Variants in ARSK observed in about 807,000 individuals in gnomAD.
ARSK encodes arylsulfatase K.
A neutral mutation model predicts 53.2 loss-of-function variants in ARSK; 37 were observed. The ratio of observed to expected loss-of-function variants is 0.70; its 90% CI spans 0.54 to 0.92. ARSK has a LOEUF of 0.92. ARSK is among the 40% of genes least tolerant of loss of function. The pLI is 0.00. For synonymous variants in ARSK, 208 were observed against 223.2 expected (o/e 0.93, Z 0.61); for missense variants, 613 against 643.0 (o/e 0.95, Z 0.51).
chr5:95,563,215 T>G (rs1300962385), intron 1 of ARSK, among the ~76,000 whole-genome samples: 1 of 152,258 alleles, frequency 6.6e-6, no homozygotes, highest in Non-Finnish European at 1.5e-5. Flanking sequence ...ATTATTGATA[T>G]TTCTGATATT....
At chr5:95,578,381 CT>C (rs1431699162) in intron 3 of ARSK, among the ~76,000 whole-genome samples, 2 of 148,850 alleles carry the variant, frequency 1.3e-5, no homozygotes, top group African/African-American at 2.5e-5. Context: ...TGGTCTCAAA[CT>C]CCTGGGCTCA....
At chr5:95,584,438 A>G (rs11959924) in intron 4 of ARSK, among the ~76,000 whole-genome samples, 1 of 152,192 alleles carries the variant, frequency 6.6e-6, no homozygotes, top group Non-Finnish European at 1.5e-5. Flanking sequence ...GTATTATTTA[A>G]CAATACTGTG....
chr5:95,589,644 T>C (rs1369597227), intron 5 of ARSK, among the ~76,000 whole-genome samples: 2 of 152,228 alleles, frequency 1.3e-5, no homozygotes, highest in African/African-American at 2.4e-5. Flanking sequence ...TTGCATGGTG[T>C]AGATGTACCA....
intron 1 of ARSK, chr5:95,556,362 G>A: frequency 6.2e-6 from 4 of 641,572 alleles, no homozygotes; most frequent in South Asian, 1.8e-5. Flanking sequence ...GTAATCAAAG[G>A]CAAATGAAGG....
At position 95,566,139 on chromosome 5, in the gene ARSK, C is replaced by T. The variant is rs1410468185; in HGVS notation, c.256+12C>T. On this transcript the variant is annotated intron_variant, in intron 2 of 7. Transcript: ENST00000380009. ...CCCATCACGCGCAGGTATGAACATC[C>T]TTAATATGAATGGGAGAAAGTGGCT... The T allele has an allele frequency of 9.3e-6, 15 of 1,610,140 alleles. No homozygotes were observed. The highest frequency in any genetic ancestry group is 1.3e-5 in the Non-Finnish European group (15 of 1,179,014).
intron 3 of ARSK, among the ~76,000 whole-genome samples, chr5:95,569,532 C>T (rs913343649): frequency 3.3e-5 from 5 of 152,078 alleles, no homozygotes; most frequent in Admixed American, 3.3e-4. Flanking sequence ...AAGACAGAGG[C>T]AGAGATAGTA....
intron 1 of ARSK, among the ~76,000 whole-genome samples, chr5:95,560,802 C>CTTT (rs70978188): frequency 1.8e-5 from 2 of 108,284 alleles, no homozygotes; most frequent in East Asian, 2.7e-4. Context: ...GGCAAAAGAT[C>CTTT]TTTTTTTTTT....
At chr5:95,601,562 G>A (rs1481591354) in intron 7 of ARSK, among the ~76,000 whole-genome samples, 1 of 152,128 alleles carries the variant, frequency 6.6e-6, no homozygotes, top group Admixed American at 6.6e-5. Flanking sequence ...AGATTTCAAC[G>A]AAGCTGTGAC....
At chr5:95,564,263 C>A (rs868853154) in intron 1 of ARSK, among the ~76,000 whole-genome samples, 6 of 152,324 alleles carry the variant, frequency 3.9e-5, no homozygotes, top group African/African-American at 9.6e-5. Flanking sequence ...CAGGCATGAG[C>A]CACTGTGCCT....
chr5:95,567,948 A>G lies in ARSK; in HGVS notation c.315A>G (p.Leu105=), dbSNP rs151202627. ...LTESWNNFKG[L]DPNYTTWMDV... is the part of the protein sequence containing the mutation. Reference sequence around the variant, plus strand: ...AATCTTGGAATAATTTTAAGGGTCTAGATCCAAATTATACAACATGGATGG... The same window carrying G: ...AATCTTGGAATAATTTTAAGGGTCTGGATCCAAATTATACAACATGGATGG... Residue 105 remains leucine, a synonymous_variant, in exon 3 of 8, where the codon CTA becomes CTG. Coordinates refer to ENST00000380009, the MANE Select transcript of ARSK (RefSeq NM_198150.3). 5.5e-5 allele frequency: 88 copies of G among 1,613,534 alleles called. 1 individual carries two copies. The African/African-American group carries it at 1.1e-3, about 19-fold the overall frequency.
At chr5:95,592,563 G>C (rs1271574231) in intron 6 of ARSK, among the ~76,000 whole-genome samples, 1 of 150,832 alleles carries the variant, frequency 6.6e-6, no homozygotes, top group South Asian at 2.1e-4. Flanking sequence ...TTTTTTGTGT[G>C]TGTGTGATGG....
intron 3 of ARSK, among the ~76,000 whole-genome samples, chr5:95,568,897 A>G (rs1157081869): frequency 6.6e-6 from 1 of 152,182 alleles, no homozygotes; most frequent in East Asian, 1.9e-4. Context: ...ACCCCCGCCT[A>G]AAAAACTTGG....
At chr5:95,564,079 G>A (rs1364677841) in intron 1 of ARSK, among the ~76,000 whole-genome samples, 1 of 149,504 alleles carries the variant, frequency 6.7e-6, no homozygotes, top group Non-Finnish European at 1.5e-5. Context: ...CCGGATTCAA[G>A]TGATTCTCTT....
intron 3 of ARSK, among the ~76,000 whole-genome samples, chr5:95,569,596 A>G (rs1748788782): frequency 6.6e-6 from 1 of 152,224 alleles, no homozygotes; most frequent in Non-Finnish European, 1.5e-5. Flanking sequence ...ACCATAAGTT[A>G]GGAAGAGGCA....
chr5:95,585,123 A>G (rs1191550683), intron 4 of ARSK, among the ~76,000 whole-genome samples: 1 of 152,348 alleles, frequency 6.6e-6, no homozygotes, highest in East Asian at 1.9e-4. Flanking sequence ...AATTAGAACC[A>G]TAATGTGATA....
intron 1 of ARSK, chr5:95,556,609 G>A (rs139783968): frequency 1.2e-3 from 232 of 192,270 alleles, no homozygotes; most frequent in African/African-American, 5.3e-3. Context: ...ATCCGAATGT[G>A]GATCACAACA....
intron 1 of ARSK, among the ~76,000 whole-genome samples, chr5:95,557,836 A>G (rs1561358819): frequency 6.6e-6 from 1 of 152,196 alleles, no homozygotes; most frequent in Non-Finnish European, 1.5e-5. Context: ...CCAAATGAAA[A>G]CTCTTTTTTA....
chr5:95,570,732 T>G (rs892935910), intron 3 of ARSK, among the ~76,000 whole-genome samples: 1 of 152,172 alleles, frequency 6.6e-6, no homozygotes, highest in Non-Finnish European at 1.5e-5. Flanking sequence ...GAAAGATTAT[T>G]ATTATGAAAA....
chr5:95,592,720 T>C (rs773825917), intron 6 of ARSK, among the ~76,000 whole-genome samples: 4 of 152,176 alleles, frequency 2.6e-5, no homozygotes, highest in Non-Finnish European at 2.9e-5. Flanking sequence ...AGCTAATTTT[T>C]GTGTTTTTAG....
Sources: gnomAD v4.1 joint callset for allele counts (sites outside exome capture counted in the v4.1 genomes callset) on GRCh38, gnomAD v4.1.1 for gene constraint, MANE v1.5 for transcripts, NCBI Gene and HGNC (gene_info 2026-07-23, HGNC 2026-07-21) for gene names.